PCBP3: variants seen among roughly 807,000 people sequenced by gnomAD.
The protein encoded by PCBP3 is poly(rC)-binding protein 3.
PCBP3 carries 25 observed loss-of-function variants against 52.7 expected under a neutral mutation model. That is an observed-to-expected ratio of 0.47 (90% CI 0.35 to 0.66). The LOEUF is 0.66. Among genes scored for constraint, PCBP3 ranks in the 30% least tolerant of loss-of-function variants. The pLI is 0.01. For synonymous variants in PCBP3, 162 were observed against 183.0 expected (o/e 0.89, Z 0.93); for missense variants, 391 against 490.3 (o/e 0.80, Z 1.91).
chr21:45,647,886 A>G (rs1352796058), intron 1 of PCBP3, among the ~76,000 whole-genome samples: 1 of 152,144 alleles, frequency 6.6e-6, no homozygotes, highest in Non-Finnish European at 1.5e-5. Flanking sequence ...GCTGATTTTA[A>G]AATAGGGAGA....
At chr21:45,816,496 TTC>T (rs1342356303) in intron 4 of PCBP3, among the ~76,000 whole-genome samples, 6 of 24,706 alleles carry the variant, frequency 2.4e-4, no homozygotes, top group African/African-American at 3.5e-4. Flanking sequence ...CCTCCTCCCC[TTC>T]CCCCTCCCCT....
intron 1 of PCBP3, among the ~76,000 whole-genome samples, chr21:45,644,086 G>A (rs1477815468): frequency 6.7e-6 from 1 of 149,876 alleles, no homozygotes; most frequent in Non-Finnish European, 1.5e-5. Flanking sequence ...CTCCCTCAAG[G>A]TGCGGTCGCC....
chr21:45,660,492 C>T (rs547632842), intron 1 of PCBP3, among the ~76,000 whole-genome samples: 267 of 152,212 alleles, frequency 1.8e-3, no homozygotes, highest in Non-Finnish European at 2.7e-3. Flanking sequence ...TTATGCCAGC[C>T]ATTTTGCTTC....
intron 17 of PCBP3, among the ~76,000 whole-genome samples, chr21:45,940,885 C>G (rs1051180893): frequency 1.4e-5 from 2 of 144,170 alleles, no homozygotes; most frequent in African/African-American, 5.2e-5. Context: ...CCAAGGATGT[C>G]CTACTGCAAG....
intron 1 of PCBP3, among the ~76,000 whole-genome samples, chr21:45,654,243 T>C (rs981316791): frequency 6.6e-6 from 1 of 152,172 alleles, no homozygotes; most frequent in African/African-American, 2.4e-5. Context: ...CATTGCTCCC[T>C]GGCATTTCTA....
chr21:45,844,073 A>G (rs1389886741), intron 4 of PCBP3, among the ~76,000 whole-genome samples: 1 of 151,576 alleles, frequency 6.6e-6, no homozygotes, highest in Non-Finnish European at 1.5e-5. Flanking sequence ...TCTCTCCTTG[A>G]CCTTCTTTCA....
At chr21:45,659,570 C>G (rs920239223) in intron 1 of PCBP3, among the ~76,000 whole-genome samples, 6 of 151,992 alleles carry the variant, frequency 3.9e-5, no homozygotes, top group African/African-American at 1.4e-4. Flanking sequence ...AGACTGGTCT[C>G]GAACTCCTGG....
At chr21:45,785,411 A>T (rs2091051214) in intron 4 of PCBP3, among the ~76,000 whole-genome samples, 4 of 125,220 alleles carry the variant, frequency 3.2e-5, no homozygotes, top group African/African-American at 9.3e-5. Flanking sequence ...GGCCACCCCT[A>T]CTGGGAAGTG....
At chr21:45,694,080 A>G (rs1298160421) in intron 2 of PCBP3, among the ~76,000 whole-genome samples, 1 of 152,142 alleles carries the variant, frequency 6.6e-6, no homozygotes, top group African/African-American at 2.4e-5. Flanking sequence ...GAATAAATAA[A>G]GAAGCTGAGA....
chr21:45,667,395 T>A (rs1381252654), intron 1 of PCBP3, among the ~76,000 whole-genome samples: 1 of 152,180 alleles, frequency 6.6e-6, no homozygotes, highest in East Asian at 1.9e-4. Context: ...TTCCTTAGAT[T>A]GGTTAATCTC....
chr21:45,682,522 G>A (rs986128484), intron 2 of PCBP3, among the ~76,000 whole-genome samples: 5 of 152,176 alleles, frequency 3.3e-5, no homozygotes, highest in South Asian at 2.1e-4. Context: ...ACTTATCCAC[G>A]TGAAGAATAA....
chr21:45,841,860 C>A (rs902728549), intron 4 of PCBP3, among the ~76,000 whole-genome samples: 2 of 152,218 alleles, frequency 1.3e-5, no homozygotes, highest in Non-Finnish European at 2.9e-5. Context: ...ACACTTCTGT[C>A]TCTAGAAATC....
At position 45,917,534 on chromosome 21, in the gene PCBP3, C is replaced by CACCGGAGGCGGGCACCGGAG; in HGVS notation, c.676-54_676-53insACCGGAGGCGGGCACCGGAG. On this transcript the variant is annotated intron_variant, in intron 12 of 17. Coordinates refer to ENST00000681687, the MANE Select transcript of PCBP3 (RefSeq NM_001384156.1). This position sits in a 1 kb window ranked among gnomAD's most constrained non-coding sequence, Gnocchi z 5.3. Reference sequence around the variant, plus strand: ...TCATGCTGGAGGGTGGCGGCGGGTGCTGAGCCGTGGTGCAGCCAGGTTGCA... The same window carrying CACCGGAGGCGGGCACCGGAG: ...TCATGCTGGAGGGTGGCGGCGGGTGCACCGGAGGCGGGCACCGGAGTGAGCCGTGGTGCAGCCAGGTTGCA... The CACCGGAGGCGGGCACCGGAG allele has an allele frequency of 6.7e-7, 1 of 1,484,620 alleles. No individual in the cohort carries two copies. Among genetic ancestry groups the CACCGGAGGCGGGCACCGGAG allele is most frequent in the South Asian group, 1.1e-5 (1 of 88,364 alleles). 92.0% of individuals were successfully genotyped at this position (1,484,620 alleles called of 1,614,324 possible).
chr21:45,867,559 C>T (rs2094795415), intron 5 of PCBP3, among the ~76,000 whole-genome samples: 1 of 152,258 alleles, frequency 6.6e-6, no homozygotes, highest in South Asian at 2.1e-4. Context: ...GTTCTCCTTC[C>T]AGGAATCTGC....
chr21:45,815,655 G>GGTGAGTGGTGA lies in PCBP3; in HGVS notation c.-125-34301_-125-34291dup, dbSNP rs1268203982. ...GGTGAGTGGTGAGTGAGTGGTGAGT[G>GGTGAGTGGTGA]GTGAGTGGTGAGTGATGAGTGAGTG... On this transcript the variant is annotated intron_variant, in intron 4 of 17. Coordinates refer to ENST00000681687, the MANE Select transcript of PCBP3 (RefSeq NM_001384156.1). 2.5e-3 allele frequency among the ~76,000 whole-genome samples: 163 copies of GGTGAGTGGTGA among 65,352 alleles called. 27 individuals are homozygous for GGTGAGTGGTGA. Among genetic ancestry groups the GGTGAGTGGTGA allele is most frequent in the Middle Eastern group, 0.029 (2 of 68 alleles). The allele number at this position is 65,352 out of a possible 152,430, so 42.9% of individuals were successfully genotyped here.
chr21:45,863,490 T>C (rs867412715), intron 5 of PCBP3, among the ~76,000 whole-genome samples: 4 of 151,516 alleles, frequency 2.6e-5, no homozygotes, highest in Non-Finnish European at 5.9e-5. Context: ...GGGAAGGGGG[T>C]ATTGAAATGA....
intron 2 of PCBP3, among the ~76,000 whole-genome samples, chr21:45,693,757 C>G (rs1327846476): frequency 6.6e-6 from 1 of 152,078 alleles, no homozygotes; most frequent in African/African-American, 2.4e-5. Flanking sequence ...TTGAGACAGT[C>G]TGTCATAGAC....
chr21:45,894,834 G>A (rs1187560891), intron 5 of PCBP3, among the ~76,000 whole-genome samples: 1 of 152,242 alleles, frequency 6.6e-6, no homozygotes, highest in Non-Finnish European at 1.5e-5. Context: ...GCTACGTGAA[G>A]TCCTCCTTAA....
At chr21:45,816,553 C>T (rs978896910) in intron 4 of PCBP3, among the ~76,000 whole-genome samples, 1 of 133,832 alleles carries the variant, frequency 7.5e-6, no homozygotes, top group Admixed American at 7.8e-5. Context: ...AACTGAGACA[C>T]ACACACACAC....
Sources: gnomAD v4.1 joint callset for allele counts (sites outside exome capture counted in the v4.1 genomes callset) on GRCh38, gnomAD v4.1.1 for gene constraint, Gnocchi (gnomAD v3.1) non-coding constraint, MANE v1.5 for transcripts, NCBI Gene and HGNC (gene_info 2026-07-23, HGNC 2026-07-21) for gene names.